TOPBP1: variants seen among roughly 807,000 people sequenced by gnomAD.
TOPBP1 encodes DNA topoisomerase 2-binding protein 1.
Under a neutral mutation model 167.7 loss-of-function variants are expected in TOPBP1, and 28 were observed. The ratio of observed to expected loss-of-function variants is 0.17; its 90% CI spans 0.12 to 0.23. The LOEUF is 0.23. Ranked by LOEUF, TOPBP1 falls within the 10% of genes least tolerant of loss-of-function variation. The probability of loss-of-function intolerance (pLI) is 1.00; values close to 1 mark genes in which losing one functional copy is unlikely to be tolerated. For synonymous variants in TOPBP1, 598 were observed against 611.4 expected, an observed-to-expected ratio of 0.98 and a Z score of 0.32; for missense variants, 1,554 against 1,809.6, an observed-to-expected ratio of 0.86 and a Z score of 2.56.
In TOPBP1 at chr3:133,620,208, A is replaced by T; in HGVS notation, c.3318T>A (p.Pro1106=). ...CACTGCGAGCAGAGCGAGTGCTGTC[A>T]GGGGTTGAAGATGCGCTGTTACAAC... ...RSGCNSASST[P]DSTRSARSGR... The change falls in exon 20 of 28, where the codon CCT becomes CCA. Residue 1106 remains proline, a synonymous_variant. Coordinates refer to ENST00000260810, the MANE Select transcript of TOPBP1 (RefSeq NM_007027.4). 6.2e-7 allele frequency: 1 copy of T among 1,613,924 alleles called. No individual in the cohort carries two copies. The highest frequency in any genetic ancestry group is 8.5e-7 in the Non-Finnish European group (1 of 1,179,854).
At chr3:133,625,493 G>A (rs1935238645) in intron 16 of TOPBP1, among the ~76,000 whole-genome samples, 1 of 152,160 alleles carries the variant, frequency 6.6e-6, no homozygotes, top group South Asian at 2.1e-4. Context: ...AGTACTTTGG[G>A]AGGCCAAGGC....
intron 14 of TOPBP1, among the ~76,000 whole-genome samples, chr3:133,631,433 C>T (rs1275040444): frequency 6.6e-6 from 1 of 152,178 alleles, no homozygotes; most frequent in African/African-American, 2.4e-5. Flanking sequence ...CTACTGCCTA[C>T]CTGCAATTAT....
At chr3:133,605,636 T>C (rs1934466448) in intron 27 of TOPBP1, among the ~76,000 whole-genome samples, 1 of 151,918 alleles carries the variant, frequency 6.6e-6, no homozygotes, top group South Asian at 2.1e-4. Flanking sequence ...TCTTCCTCAA[T>C]CTGGAAAAAA....
In TOPBP1 at chr3:133,611,035, A is replaced by AT; in HGVS notation, c.4141dup (p.Ile1381AsnfsTer11). On this transcript the variant is annotated frameshift_variant, in exon 25 of 28. Coordinates refer to ENST00000260810, the MANE Select transcript of TOPBP1 (RefSeq NM_007027.4). LOFTEE classifies it high-confidence loss of function. ...AATGCCAGATTCTTGTCTTTGCTGG[A>AT]TTTTTTTTCTCCATCTCATTGCTGC... 2.5e-6 allele frequency: 4 copies of AT among 1,612,298 alleles called. No individual in the cohort carries two copies. Among genetic ancestry groups the AT allele is most frequent in the Non-Finnish European group, 1.7e-6 (2 of 1,179,020 alleles).
chr3:133,630,114 G>A (rs1404373703), intron 14 of TOPBP1, among the ~76,000 whole-genome samples: 2 of 151,830 alleles, frequency 1.3e-5, no homozygotes, highest in African/African-American at 4.8e-5. Context: ...AATTTTTTGT[G>A]ATAACTATCT....
intron 12 of TOPBP1, among the ~76,000 whole-genome samples, chr3:133,642,948 C>A (rs1452450064): frequency 6.6e-6 from 1 of 152,092 alleles, no homozygotes; most frequent in Non-Finnish European, 1.5e-5. Context: ...ACAACTTAAA[C>A]ACTATTTCAT....
intron 11 of TOPBP1, 29 bp downstream of exon 11, chr3:133,643,991 C>A (rs768811507): frequency 9.0e-6 from 14 of 1,547,944 alleles, no homozygotes; most frequent in Non-Finnish European, 1.2e-5. Context: ...TCCTTCGATA[C>A]TTTATTTCAA....
In TOPBP1 at chr3:133,628,455, G is replaced by A. The variant is rs745568897; in HGVS notation, c.2711C>T (p.Pro904Leu). The A allele has an allele frequency of 1.2e-6, 2 of 1,610,706 alleles. No individual in the cohort carries two copies. The highest frequency in any genetic ancestry group is 2.2e-5 in the South Asian group (2 of 90,210). ...AACACATACCACTACTTTGTGAAGTGGCTTTGGGGCTTCTTCCTGTCCATG... is the reference window on the plus strand; with the variant it reads ...AACACATACCACTACTTTGTGAAGTAGCTTTGGGGCTTCTTCCTGTCCATG... ...AQSEKEEAPK[P>L]LHKVVVCVSK... Residue 904 changes from proline to leucine, a missense_variant, in exon 16 of 28, where the codon CCA (proline) becomes CTA (leucine). Physicochemically the swap from Pro to Leu is moderately conservative, Grantham distance 98. Coordinates refer to ENST00000260810, the MANE Select transcript of TOPBP1 (RefSeq NM_007027.4).
intron 25 of TOPBP1, among the ~76,000 whole-genome samples, chr3:133,610,236 T>C (rs1469507988): frequency 1.3e-5 from 2 of 152,184 alleles, no homozygotes; most frequent in Non-Finnish European, 2.9e-5. Context: ...ACATGCTGAT[T>C]TCTACAGAAG....
rs931485628 is a variant in TOPBP1, at chr3:133,616,285, A to G, written c.3871+529T>C. On this transcript the variant is annotated intron_variant, in intron 23 of 27. Coordinates refer to ENST00000260810, the MANE Select transcript of TOPBP1 (RefSeq NM_007027.4). ...CAGGCATGTGCCTCTACGTCTCGCA[A>G]ATTTTTTTGTATTTTTAGTAGAGAC... Among the ~76,000 whole-genome samples the G allele has an allele frequency of 2.7e-5, 4 of 147,138 alleles. 1 individual carries two copies. The highest frequency in any genetic ancestry group is 9.7e-5 in the African/African-American group (4 of 41,054).
intron 27 of TOPBP1, among the ~76,000 whole-genome samples, chr3:133,602,080 C>G (rs1170955084): frequency 1.3e-5 from 2 of 152,088 alleles, no homozygotes; most frequent in East Asian, 3.8e-4. Context: ...TTTGGAGGAG[C>G]AAAGGAACAA....
intron 8 of TOPBP1, 33 bp from the exon 9 acceptor site, chr3:133,649,976 A>G (rs1936229067): frequency 6.7e-7 from 1 of 1,486,884 alleles, no homozygotes; most frequent in African/African-American, 1.4e-5. Context: ...TATACATAAC[A>G]TGCTTTCTCT....
Position 133,623,457 on chromosome 3 carries a change from A to G in TOPBP1, c.2929T>C (p.Cys977Arg), listed in dbSNP as rs749627976. ...HIVSEHWLLD[C>R]AQECKHLPES... ...GGAAGATGTTTACACTCTTGGGCAC[A>G]CTGCAATACAATGGTGTGCTTTAAG... Residue 977 changes from cysteine (C) to arginine (R), a missense_variant and splice_region_variant, in exon 18 of 28, where the codon TGT becomes CGT. Physicochemically the swap from Cys to Arg is radical, Grantham distance 180. Transcript: ENST00000260810. 4 of 1,607,230 alleles carry G rather than the reference A, an allele frequency of 2.5e-6. No homozygotes were observed. In the East Asian group the frequency reaches 6.7e-5, roughly 27 times the overall value.
intron 10 of TOPBP1, among the ~76,000 whole-genome samples, chr3:133,646,768 T>C (rs1355338383): frequency 1.3e-5 from 2 of 152,206 alleles, no homozygotes; most frequent in East Asian, 1.9e-4. Context: ...AAGTCAATTT[T>C]GTAGTACGGA....
chr3:133,648,232 C>T (rs975607420), intron 10 of TOPBP1, among the ~76,000 whole-genome samples: 4 of 151,922 alleles, frequency 2.6e-5, no homozygotes, highest in African/African-American at 7.3e-5. Flanking sequence ...TATACCCAGC[C>T]GAAGAGTCTT....
At chr3:133,638,269 A>G (rs1350569760) in intron 13 of TOPBP1, 107 bp from the exon 14 acceptor site, 13 of 1,110,202 alleles carry the variant, frequency 1.2e-5, no homozygotes, top group Non-Finnish European at 1.5e-5. Context: ...TCTTTCTTGC[A>G]TAACTCCTGG....
Position 133,653,549 on chromosome 3 carries a change from T to G in TOPBP1, c.743-25A>C, listed in dbSNP as rs761204452. The G allele has an allele frequency of 5.3e-6, 8 of 1,498,446 alleles. No individual in the cohort carries two copies. The Middle Eastern group carries it at 5.3e-4, about 100-fold the overall frequency. The allele number at this position is 1,498,446 out of a possible 1,614,324, so 92.8% of individuals were successfully genotyped here. On this transcript the variant is annotated intron_variant, in intron 6 of 27. Transcript: ENST00000260810. ...CCTGTGGCGTTCATTAAGAAAGAAA[T>G]AGAGAAAATAGGAGAAACCAAGAAA...
At position 133,618,325 on chromosome 3, in the gene TOPBP1, A is replaced by C. The variant is rs909727517; in HGVS notation, c.3480T>G (p.Asn1160Lys). Residue 1160 changes from asparagine (N) to lysine (K), a missense_variant, in exon 21 of 28, where the codon AAT (asparagine) becomes AAG (lysine). Around this residue, in one of 3 missense-constraint regions of TOPBP1, gnomAD observed 351 missense variants for 432.9 expected, o/e 0.81. Coordinates refer to ENST00000260810, the MANE Select transcript of TOPBP1 (RefSeq NM_007027.4). ...AREERARLAS[N>K]LQWPSCPTQY... ...GTGTGGGACAACTAGGCCACTGCAA[A>C]TTGCTGGCAAGCCTTGCTCTCTCCT... is the stretch of plus-strand genomic sequence containing the variant. 6 of 1,613,862 alleles carry C rather than the reference A, an allele frequency of 3.7e-6. No individual in the cohort carries two copies. In the African/African-American group the frequency reaches 8.0e-5, roughly 22 times the overall value.
chr3:133,620,132 T>C, intron 20 of TOPBP1, 23 bp downstream of exon 20: 1 of 1,578,302 alleles, frequency 6.3e-7, no homozygotes, highest in South Asian at 1.2e-5. Flanking sequence ...CTAGTCTTTC[T>C]GCCATCAGTG....
Sources: gnomAD v4.1 joint callset for allele counts (sites outside exome capture counted in the v4.1 genomes callset) on GRCh38, gnomAD v4.1.1 for gene constraint, gnomAD v4.1.1 regional missense constraint, MANE v1.5 for transcripts, NCBI Gene and HGNC (gene_info 2026-07-23, HGNC 2026-07-21) for gene names.